Variants in SLC2A13 observed in about 807,000 individuals in gnomAD.
The protein encoded by SLC2A13 is proton myo-inositol cotransporter.
A neutral mutation model predicts 64.4 loss-of-function variants in SLC2A13; 32 were observed. That is an observed-to-expected ratio of 0.50 (90% confidence interval 0.37 to 0.67). The LOEUF (loss-of-function observed/expected upper bound fraction) is 0.67. Ranked by LOEUF, SLC2A13 falls within the 30% of genes least tolerant of loss-of-function variation. The pLI is 0.00. For missense variants in SLC2A13, 743 were observed against 829.2 expected (o/e 0.90, Z 1.28); for synonymous variants, 338 against 327.1 (o/e 1.03, Z -0.36).
chr12:39,949,128 A>G (rs550514646), intron 4 of SLC2A13, among the ~76,000 whole-genome samples: 62 of 152,282 alleles, frequency 4.1e-4, no homozygotes, highest in Admixed American at 8.5e-4. Flanking sequence ...GACTTACACT[A>G]AATTTTATGG....
At chr12:39,793,070 C>G (rs1006130372) in intron 7 of SLC2A13, among the ~76,000 whole-genome samples, 1 of 152,120 alleles carries the variant, frequency 6.6e-6, no homozygotes, top group Non-Finnish European at 1.5e-5. Context: ...AAAAGTCTTA[C>G]AGTTTGCAAA....
intron 7 of SLC2A13, among the ~76,000 whole-genome samples, chr12:39,775,662 G>T (rs1401050604): frequency 4.6e-5 from 7 of 152,218 alleles, no homozygotes; most frequent in Non-Finnish European, 8.8e-5. Flanking sequence ...ATGTCACAAA[G>T]TTGGAGTGGG....
intron 3 of SLC2A13, among the ~76,000 whole-genome samples, chr12:39,970,748 C>T (rs888099968): frequency 6.6e-6 from 1 of 152,176 alleles, no homozygotes; most frequent in Non-Finnish European, 1.5e-5. Context: ...ATATCAGGGT[C>T]CTGATGCTTC....
Position 39,871,651 on chromosome 12 carries a change from T to C in SLC2A13, c.1198+147A>G, listed in dbSNP as rs1944059832. The C allele has an allele frequency of 8.5e-6, 6 of 706,220 alleles. No homozygotes were observed. The South Asian group carries it at 2.2e-4, about 25-fold the overall frequency. 43.7% of individuals were successfully genotyped at this position (706,220 alleles called of 1,614,324 possible). ...GTTGTTAAAAGCTCTTTTTTTTTTC[T>C]TTTTTGGTCTAGAAGAACTCTAATT... On this transcript the variant is annotated intron_variant, in intron 5 of 9. Coordinates refer to ENST00000280871, the MANE Select transcript of SLC2A13 (RefSeq NM_052885.4).
At chr12:40,010,688 A>G (rs1167186660) in intron 3 of SLC2A13, among the ~76,000 whole-genome samples, 4 of 152,172 alleles carry the variant, frequency 2.6e-5, no homozygotes, top group African/African-American at 9.7e-5. Flanking sequence ...AAAACATTCA[A>G]CTTAGGTTTT....
In SLC2A13 at chr12:39,910,968, C is replaced by T. The variant is rs924560424; in HGVS notation, c.1035-39007G>A. On this transcript the variant is annotated intron_variant, in intron 4 of 9. Transcript: ENST00000280871. ...GTGTAGTGGCAGGTGCTTGTAATCCCAGCTATTCAGGAGGCTGAGGCAAGA... is the reference window on the plus strand; with the variant it reads ...GTGTAGTGGCAGGTGCTTGTAATCCTAGCTATTCAGGAGGCTGAGGCAAGA... 2.0e-4 allele frequency among the ~76,000 whole-genome samples: 31 copies of T among 152,126 alleles called. 1 individual carries two copies. Among genetic ancestry groups the T allele is most frequent in the African/African-American group, 5.8e-4 (24 of 41,442 alleles).
At chr12:39,809,401 A>G (rs1942076810) in intron 7 of SLC2A13, among the ~76,000 whole-genome samples, 1 of 152,120 alleles carries the variant, frequency 6.6e-6, no homozygotes, top group South Asian at 2.1e-4. Context: ...TTTCTATATA[A>G]ATTTCAGAAC....
At chr12:39,981,633 T>C (rs1242215354) in intron 3 of SLC2A13, among the ~76,000 whole-genome samples, 2 of 151,974 alleles carry the variant, frequency 1.3e-5, no homozygotes, top group South Asian at 2.1e-4. Flanking sequence ...CAGGAAGAAG[T>C]TGAATCTCTG....
chr12:40,086,919 C>T (rs553595839), intron 1 of SLC2A13, among the ~76,000 whole-genome samples: 34 of 152,342 alleles, frequency 2.2e-4, no homozygotes, highest in African/African-American at 6.5e-4. Flanking sequence ...ATTTTCCTCA[C>T]CTAATCCCAA....
chr12:39,977,558 A>G (rs966101874), intron 3 of SLC2A13, among the ~76,000 whole-genome samples: 11 of 152,232 alleles, frequency 7.2e-5, no homozygotes, highest in African/African-American at 2.7e-4. Context: ...GAATTTATAA[A>G]TACGTTTCCT....
chr12:39,938,403 TA>T (rs11381458), intron 4 of SLC2A13, among the ~76,000 whole-genome samples: 41 of 147,542 alleles, frequency 2.8e-4, no homozygotes, highest in East Asian at 1.2e-3. Context: ...AAAGAAACTT[TA>T]AAAAAAAAAA....
At chr12:40,056,241 G>A (rs1463764980) in intron 1 of SLC2A13, among the ~76,000 whole-genome samples, 1 of 151,462 alleles carries the variant, frequency 6.6e-6, no homozygotes, top group Non-Finnish European at 1.5e-5. Flanking sequence ...CTGCTTTTTG[G>A]AGAGAGTATT....
At chr12:39,857,384 A>G (rs1232693029) in intron 6 of SLC2A13, among the ~76,000 whole-genome samples, 1 of 152,192 alleles carries the variant, frequency 6.6e-6, no homozygotes, top group Non-Finnish European at 1.5e-5. Context: ...CGGATCCTAT[A>G]TTCCTCTTGC....
chr12:40,099,609 C>A (rs1297749517), intron 1 of SLC2A13, among the ~76,000 whole-genome samples: 1 of 152,174 alleles, frequency 6.6e-6, no homozygotes, highest in Non-Finnish European at 1.5e-5. Context: ...TTTCACATAA[C>A]TCACGTTAAC....
rs1482211557 is a variant in SLC2A13, at chr12:39,874,467, T to G, written c.1035-2506A>C. ...CATCTCTATTAAAAATACAAAAAAT[T>G]AGCTGGGCATGGTAGCGGGCACCTG... On this transcript the variant is annotated intron_variant, in intron 4 of 9. Transcript: ENST00000280871. 2.0e-5 allele frequency among the ~76,000 whole-genome samples: 3 copies of G among 151,746 alleles called. No individual in the cohort carries two copies. In the East Asian group the frequency reaches 5.8e-4, roughly 29 times the overall value.
At chr12:39,962,373 G>A (rs945451796) in intron 3 of SLC2A13, among the ~76,000 whole-genome samples, 1 of 152,134 alleles carries the variant, frequency 6.6e-6, no homozygotes, top group Non-Finnish European at 1.5e-5. Flanking sequence ...TTACAGGCGT[G>A]AGCCACCATG....
At chr12:40,019,679 T>G (rs1410493812) in intron 3 of SLC2A13, among the ~76,000 whole-genome samples, 2 of 152,190 alleles carry the variant, frequency 1.3e-5, no homozygotes, top group African/African-American at 2.4e-5. Flanking sequence ...TTCACACTAG[T>G]TGCCCCTCCC....
intron 1 of SLC2A13, among the ~76,000 whole-genome samples, chr12:40,093,899 G>A (rs1321303892): frequency 6.6e-6 from 1 of 152,154 alleles, no homozygotes; most frequent in African/African-American, 2.4e-5. Context: ...TTTGGGCAGA[G>A]AAGTGGCATA....
At chr12:39,954,194 C>G (rs909938834) in intron 3 of SLC2A13, among the ~76,000 whole-genome samples, 1 of 152,150 alleles carries the variant, frequency 6.6e-6, no homozygotes, top group Non-Finnish European at 1.5e-5. Context: ...TAACTGTCCC[C>G]AGCTCAATAT....
Sources: gnomAD v4.1 joint callset for allele counts (sites outside exome capture counted in the v4.1 genomes callset) on GRCh38, gnomAD v4.1.1 for gene constraint, MANE v1.5 for transcripts, NCBI Gene and HGNC (gene_info 2026-07-23, HGNC 2026-07-21) for gene names.